The following CUX1 variants were observed in gnomAD, a reference collection of about 807,000 sequenced individuals.
CUX1 encodes protein CASP.
Under a neutral mutation model 158.8 loss-of-function variants are expected in CUX1, and 31 were observed. The observed-to-expected ratio is 0.20, with a 90% CI of 0.15 to 0.26. The LOEUF is 0.26. Ranked by LOEUF, CUX1 falls within the 10% of genes least tolerant of loss-of-function variation. CUX1 has a pLI of 1.00. For missense variants in CUX1, 1,589 were observed against 2,014.6 expected, an observed-to-expected ratio of 0.79 and a Z score of 4.04; for synonymous variants, 879 against 862.1, an observed-to-expected ratio of 1.02 and a Z score of -0.34.
At chr7:101,964,370 A>C (rs536714722) in intron 2 of CUX1, among the ~76,000 whole-genome samples, 1 of 152,168 alleles carries the variant, frequency 6.6e-6, no homozygotes, top group East Asian at 1.9e-4. Context: ...AGGTGAAAGA[A>C]ATGACTGAGC....
At chr7:102,216,598 CCA>C (rs782225410) in intron 20 of CUX1, among the ~76,000 whole-genome samples, 6,802 of 29,062 alleles carry the variant, frequency 0.23, 746 homozygotes, top group African/African-American at 0.31. Context: ...ACACACACTC[CCA>C]CACACACACA....
At chr7:102,142,409 T>C (rs1554500622) in intron 8 of CUX1, among the ~76,000 whole-genome samples, 1 of 152,062 alleles carries the variant, frequency 6.6e-6, no homozygotes, top group Non-Finnish European at 1.5e-5. Context: ...AAGGAGACTG[T>C]TAAAAACAAT....
At chr7:102,006,478 C>A (rs1005245273) in intron 2 of CUX1, among the ~76,000 whole-genome samples, 4 of 152,088 alleles carry the variant, frequency 2.6e-5, no homozygotes, top group African/African-American at 9.7e-5. Flanking sequence ...CTCACTGCAA[C>A]CTCCGCCTCC....
At chr7:102,096,170 C>A (rs1829159187) in intron 4 of CUX1, among the ~76,000 whole-genome samples, 1 of 152,076 alleles carries the variant, frequency 6.6e-6, no homozygotes, top group East Asian at 1.9e-4. Flanking sequence ...TAGTTATCAT[C>A]AGGAGTGTGG....
intron 8 of CUX1, among the ~76,000 whole-genome samples, chr7:102,145,870 C>T (rs1834973891): frequency 6.6e-6 from 1 of 152,158 alleles, no homozygotes; most frequent in African/African-American, 2.4e-5. Flanking sequence ...TTGCTTGAAC[C>T]TGGGAGGCAG....
At chr7:101,879,716 C>T (rs1584861914) in intron 1 of CUX1, among the ~76,000 whole-genome samples, 1 of 152,250 alleles carries the variant, frequency 6.6e-6, no homozygotes, top group African/African-American at 2.4e-5. Context: ...ATAAAAGTGG[C>T]CCCCTGGGTG....
intron 2 of CUX1, among the ~76,000 whole-genome samples, chr7:102,022,978 G>T (rs954039803): frequency 6.6e-6 from 1 of 152,192 alleles, no homozygotes; most frequent in Non-Finnish European, 1.5e-5. Flanking sequence ...ACTTTGGGAG[G>T]CCGAGGTGGG....
chr7:102,256,783 C>T lies in CUX1; in HGVS notation c.*7741C>T, dbSNP rs1166024892. On this transcript the variant is annotated 3_prime_UTR_variant, in exon 24 of 24. Transcript: ENST00000292535. ...CGGCGAGCCGTGGTCAGAGAGGGCG[C>T]GGTGGCCTGGCCAAGACTTTACCTC... 20 of 985,338 alleles carry T rather than the reference C, an allele frequency of 2.0e-5. No homozygotes were observed. The highest frequency in any genetic ancestry group is 2.3e-5 in the Non-Finnish European group (19 of 829,968). The allele number at this position is 985,338 out of a possible 1,614,324, so 61.0% of individuals were successfully genotyped here.
At chr7:101,822,100 C>G (rs1295283140) in intron 1 of CUX1, 1 of 152,144 alleles carries the variant, frequency 6.6e-6, no homozygotes, top group African/African-American at 2.4e-5. Context: ...GTGATCTGCC[C>G]GCCTCGGCCT....
At chr7:102,140,647 G>A (rs57935353) in intron 8 of CUX1, among the ~76,000 whole-genome samples, 1 of 150,076 alleles carries the variant, frequency 6.7e-6, no homozygotes. Context: ...ATCACTTGAG[G>A]TCAGGAGTTC....
chr7:101,817,353 C>T, upstream of CUX1: 1 of 984,746 alleles, frequency 1.0e-6, no homozygotes, highest in Non-Finnish European at 1.2e-6. This position sits in a 1 kb window ranked among gnomAD's most constrained non-coding sequence, Gnocchi z 4.1. Context: ...GAGCGCGCGG[C>T]GGGTGCGCTC....
chr7:101,887,501 G>A (rs1456713164), intron 1 of CUX1, among the ~76,000 whole-genome samples: 2 of 151,902 alleles, frequency 1.3e-5, no homozygotes, highest in Non-Finnish European at 2.9e-5. Context: ...TAGAGATAGG[G>A]TCTTGCTATG....
intron 23 of CUX1, among the ~76,000 whole-genome samples, chr7:102,242,502 C>G (rs115980260): frequency 6.6e-6 from 1 of 152,176 alleles, no homozygotes; most frequent in Non-Finnish European, 1.5e-5. Flanking sequence ...TGAGCCACCA[C>G]GCCTAGATGC....
chr7:102,124,136 G>A (rs1214803199), intron 8 of CUX1, among the ~76,000 whole-genome samples: 1 of 152,174 alleles, frequency 6.6e-6, no homozygotes, highest in Non-Finnish European at 1.5e-5. Context: ...GTGTATATGT[G>A]AAGGAAATGG....
At chr7:101,977,410 A>G (rs1280711700) in intron 2 of CUX1, among the ~76,000 whole-genome samples, 10 of 152,168 alleles carry the variant, frequency 6.6e-5, no homozygotes. Context: ...TATTCTTTGA[A>G]GAAATACCAT....
At chr7:102,004,316 G>A (rs779041624) in intron 2 of CUX1, among the ~76,000 whole-genome samples, 1 of 152,220 alleles carries the variant, frequency 6.6e-6, no homozygotes, top group Admixed American at 6.5e-5. Flanking sequence ...AGGTACAAAG[G>A]AAAGTGACCT....
chr7:102,165,724 G>A (rs1016355243), intron 9 of CUX1, among the ~76,000 whole-genome samples: 4 of 152,128 alleles, frequency 2.6e-5, no homozygotes, highest in Non-Finnish European at 5.9e-5. Context: ...GATGGGCAGG[G>A]GTTGGGGGGC....
intron 2 of CUX1, among the ~76,000 whole-genome samples, chr7:101,921,379 T>G (rs187387642): frequency 6.6e-6 from 1 of 152,320 alleles, no homozygotes; most frequent in Admixed American, 6.5e-5. Context: ...GTGTAACTCA[T>G]GAGATACAGT....
chr7:102,005,138 G>A (rs1817172054), intron 2 of CUX1, among the ~76,000 whole-genome samples: 1 of 152,160 alleles, frequency 6.6e-6, no homozygotes. Context: ...CTACCCAGAA[G>A]TACCTGGGAG....
Sources: gnomAD v4.1 joint callset for allele counts (sites outside exome capture counted in the v4.1 genomes callset) on GRCh38, gnomAD v4.1.1 for gene constraint, Gnocchi (gnomAD v3.1) non-coding constraint, MANE v1.5 for transcripts, NCBI Gene and HGNC (gene_info 2026-07-23, HGNC 2026-07-21) for gene names.